FRMPD1: variants seen among roughly 807,000 people sequenced by gnomAD.
The protein encoded by FRMPD1 is FERM and PDZ domain containing 1, also known as FERM and PDZ domain-containing protein 1.
Under a neutral mutation model 117.8 loss-of-function variants are expected in FRMPD1, and 76 were observed. The observed-to-expected ratio is 0.65, with a 90% CI of 0.54 to 0.78. The LOEUF (loss-of-function observed/expected upper bound fraction) is 0.78, where lower values mean the gene tolerates loss of function less well. Ranked by LOEUF, FRMPD1 falls within the 30% of genes least tolerant of loss-of-function variation. The probability of loss-of-function intolerance (pLI) is 0.00; values close to 1 mark genes in which losing one functional copy is unlikely to be tolerated. For synonymous variants in FRMPD1, 783 were observed against 770.4 expected, an observed-to-expected ratio of 1.02 and a Z score of -0.27; for missense variants, 1,786 against 1,964.5, an observed-to-expected ratio of 0.91 and a Z score of 1.72.
rs923694693 is a variant in FRMPD1, at chr9:37,740,262, C to A, written c.1734C>A (p.Ala578=). 7 of 1,613,836 alleles carry A rather than the reference C, an allele frequency of 4.3e-6. No homozygotes were observed. The highest frequency in any genetic ancestry group is 5.9e-6 in the Non-Finnish European group (7 of 1,179,986). The change falls in exon 15 of 16, where the codon GCC becomes GCA. Residue 578 remains alanine, a synonymous_variant. Transcript: ENST00000377765. This position sits in a 1 kb window ranked among gnomAD's most constrained non-coding sequence, Gnocchi z 4.2. ...VARRGPSTCG[A]SSTTDSAESE... ...GGAGGGGCCCCAGCACCTGCGGGGC[C>A]AGCAGCACGACAGACAGTGCCGAGT...
chr9:37,720,234 T>G, intron 6 of FRMPD1, among the ~76,000 whole-genome samples: 1 of 152,242 alleles, frequency 6.6e-6, no homozygotes, highest in East Asian at 1.9e-4. Flanking sequence ...ACCTGTCAGT[T>G]GGCAATATTT....
At chr9:37,645,598 C>G in the FRMPD1 span, among the ~76,000 whole-genome samples, 1 of 152,194 alleles carries the variant, frequency 6.6e-6, no homozygotes, top group South Asian at 2.1e-4. Flanking sequence ...GGAGACTGAT[C>G]TCTCTTCACC....
At chr9:37,671,306 G>C (rs1821343131) in intron 1 of FRMPD1, among the ~76,000 whole-genome samples, 1 of 152,154 alleles carries the variant, frequency 6.6e-6, no homozygotes, top group African/African-American at 2.4e-5. Context: ...ATAGTTGTAG[G>C]AAACTTGAAT....
chr9:37,656,284 G>A (rs947537662), intron 1 of FRMPD1, among the ~76,000 whole-genome samples: 5 of 152,180 alleles, frequency 3.3e-5, no homozygotes, highest in East Asian at 3.8e-4. Flanking sequence ...GAACTCACTC[G>A]TGGCATTCTG....
At chr9:37,679,055 G>A (rs1038431254) in intron 1 of FRMPD1, among the ~76,000 whole-genome samples, 1 of 152,222 alleles carries the variant, frequency 6.6e-6, no homozygotes, top group African/African-American at 2.4e-5. Flanking sequence ...TCCCCTCCAT[G>A]CAGCCCTCTC....
Position 37,692,196 on chromosome 9 carries a change from G to A in FRMPD1, c.-4-442G>A, listed in dbSNP as rs758661248. Among the ~76,000 whole-genome samples, 6 of 152,248 alleles carry A rather than the reference G, an allele frequency of 3.9e-5. No individual in the cohort carries two copies. The South Asian group carries it at 6.2e-4, about 16-fold the overall frequency. On this transcript the variant is annotated intron_variant, in intron 1 of 15. Coordinates refer to ENST00000377765, the MANE Select transcript of FRMPD1 (RefSeq NM_014907.3). ...TAAAAGATTGAACAAAAGCAGCAGC[G>A]CTCAGAGGAATCTGCACAATGTGAT...
the FRMPD1 span, among the ~76,000 whole-genome samples, chr9:37,633,057 G>A: frequency 2.2e-5 from 3 of 138,208 alleles, no homozygotes; most frequent in East Asian, 6.2e-4. Flanking sequence ...TTTCTTAGAT[G>A]GAGTTCTCGC....
intron 1 of FRMPD1, among the ~76,000 whole-genome samples, chr9:37,686,056 T>A (rs576085595): frequency 2.0e-4 from 31 of 152,382 alleles, no homozygotes; most frequent in Admixed American, 1.0e-3. Flanking sequence ...TATATTCACA[T>A]TGTTCCAGGC....
Position 37,740,801 on chromosome 9 carries a change from C to T in FRMPD1, c.2273C>T (p.Pro758Leu). The change falls in exon 15 of 16, where the codon CCA (proline) becomes CTA (leucine). Residue 758 changes from proline (P) to leucine (L), a missense_variant. By Grantham distance (98) the Pro-to-Leu change is moderately conservative. Transcript: ENST00000377765. This position sits in a 1 kb window ranked among gnomAD's most constrained non-coding sequence, Gnocchi z 4.2. Reference sequence around the variant, plus strand: ...ATGCTGGAACCCCTGGCCCTGCACCCACCACTGGCCTTTGAGGATGGCAGC... The same window carrying T: ...ATGCTGGAACCCCTGGCCCTGCACCTACCACTGGCCTTTGAGGATGGCAGC... Reference protein sequence around the residue: ...SSMLEPLALHPPLAFEDGSSD... With the variant: ...SSMLEPLALHLPLAFEDGSSD... 6.2e-7 allele frequency: 1 copy of T among 1,614,104 alleles called. No individual in the cohort carries two copies. Among genetic ancestry groups the T allele is most frequent in the South Asian group, 1.1e-5 (1 of 91,082 alleles).
the FRMPD1 span, among the ~76,000 whole-genome samples, chr9:37,603,976 T>C: frequency 6.6e-6 from 1 of 152,252 alleles, no homozygotes; most frequent in Admixed American, 6.5e-5. Context: ...TGTAATCTCA[T>C]TATTACATAG....
the FRMPD1 span, among the ~76,000 whole-genome samples, chr9:37,630,249 A>G: frequency 6.6e-6 from 1 of 152,294 alleles, no homozygotes; most frequent in East Asian, 1.9e-4. Flanking sequence ...AACCTCTGAG[A>G]TTGGAATATG....
At chr9:37,626,500 C>CAAAA in the FRMPD1 span, among the ~76,000 whole-genome samples, 49 of 87,242 alleles carry the variant, frequency 5.6e-4, no homozygotes, top group South Asian at 1.1e-3. Context: ...GACTTAGTCT[C>CAAAA]AAAAAAAAAA....
rs187399135 is a variant in FRMPD1, at chr9:37,696,665, A to T, written c.101+3923A>T. 3.3e-5 allele frequency among the ~76,000 whole-genome samples: 5 copies of T among 152,392 alleles called. No homozygotes were observed. The East Asian group carries it at 9.6e-4, about 29-fold the overall frequency. On this transcript the variant is annotated intron_variant, in intron 2 of 15. Coordinates refer to ENST00000377765, the MANE Select transcript of FRMPD1 (RefSeq NM_014907.3). ...GATTTAGCATTTGAATACTAACATT[A>T]GCCCTGAATTTCCTGGTAGCTGGGG...
At chr9:37,735,799 T>C in intron 13 of FRMPD1, 65 bp downstream of exon 13, 1 of 1,083,518 alleles carries the variant, frequency 9.2e-7, no homozygotes, top group African/African-American at 1.6e-5. Context: ...GGGGCCAGGC[T>C]AGTTTATATG....
At chr9:37,611,176 AT>A in the FRMPD1 span, among the ~76,000 whole-genome samples, 1 of 152,146 alleles carries the variant, frequency 6.6e-6, no homozygotes, top group South Asian at 2.1e-4. Flanking sequence ...AGCATTTGTA[AT>A]TTTGATAGAT....
chr9:37,657,304 T>C (rs956101689), intron 1 of FRMPD1, among the ~76,000 whole-genome samples: 2 of 152,248 alleles, frequency 1.3e-5, no homozygotes, highest in Non-Finnish European at 2.9e-5. Context: ...ACTATTCACA[T>C]GTGAAGCTTC....
chr9:37,666,776 T>A (rs1821172697), intron 1 of FRMPD1, among the ~76,000 whole-genome samples: 1 of 152,192 alleles, frequency 6.6e-6, no homozygotes, highest in Admixed American at 6.5e-5. Context: ...TGAAGAGATG[T>A]GCAAGTACTC....
chr9:37,733,938 T>C, intron 12 of FRMPD1, 113 bp downstream of exon 12: 1 of 705,270 alleles, frequency 1.4e-6, no homozygotes, highest in South Asian at 1.6e-5. Context: ...TGTACTAGAA[T>C]TTGTCTGGTA....
chr9:37,707,738 C>G (rs1388272983), intron 3 of FRMPD1, among the ~76,000 whole-genome samples, 165 bp downstream of exon 3: 2 of 152,238 alleles, frequency 1.3e-5, no homozygotes, highest in African/African-American at 4.8e-5. Flanking sequence ...TACTTTGATG[C>G]TGGGAGGGAG....
Sources: gnomAD v4.1 joint callset for allele counts (sites outside exome capture counted in the v4.1 genomes callset) on GRCh38, gnomAD v4.1.1 for gene constraint, Gnocchi (gnomAD v3.1) non-coding constraint, MANE v1.5 for transcripts, NCBI Gene and HGNC (gene_info 2026-07-23, HGNC 2026-07-21) for gene names.